The following SLIT3 variants were observed in gnomAD, a reference collection of about 807,000 sequenced individuals.
SLIT3 encodes slit guidance ligand 3, also known as slit homolog 3 protein.
In SLIT3, 68 loss-of-function variants were observed where a neutral mutation model predicts 184.0. The ratio of observed to expected loss-of-function variants is 0.37; its 90% CI spans 0.30 to 0.45. The LOEUF is 0.45. Among genes scored for constraint, SLIT3 ranks in the 20% least tolerant of loss-of-function variants. SLIT3 has a pLI of 1.00. For missense variants in SLIT3, 1,707 were observed against 2,026.0 expected (o/e 0.84, Z 3.02); for synonymous variants, 831 against 828.6 (o/e 1.00, Z -0.05).
chr5:169,258,121 A>G (rs988938218), intron 1 of SLIT3, among the ~76,000 whole-genome samples: 1 of 152,042 alleles, frequency 6.6e-6, no homozygotes, highest in Non-Finnish European at 1.5e-5. Flanking sequence ...GAAGATTTTT[A>G]CCAATAAAGA....
intron 4 of SLIT3, among the ~76,000 whole-genome samples, chr5:168,886,137 C>T (rs1760198963): frequency 6.6e-6 from 1 of 152,208 alleles, no homozygotes; most frequent in African/African-American, 2.4e-5. Context: ...ATCTGATCCC[C>T]ATGACAATCT....
At chr5:168,802,511 C>T (rs1039668433) in intron 9 of SLIT3, among the ~76,000 whole-genome samples, 3 of 152,150 alleles carry the variant, frequency 2.0e-5, no homozygotes, top group African/African-American at 2.4e-5. Context: ...TCTGGTAGAC[C>T]GTGGGTGCCC....
At chr5:168,675,658 G>A (rs902496715) in intron 32 of SLIT3, among the ~76,000 whole-genome samples, 11 of 152,136 alleles carry the variant, frequency 7.2e-5, no homozygotes, top group Admixed American at 7.2e-4. Context: ...CTTGAGCCCA[G>A]GTGTTCAAGT....
intron 32 of SLIT3, among the ~76,000 whole-genome samples, chr5:168,674,650 A>G (rs1167838674): frequency 6.6e-6 from 1 of 151,598 alleles, no homozygotes; most frequent in Non-Finnish European, 1.5e-5. Context: ...TGCCACCACA[A>G]ACAGCTAATT....
At chr5:169,166,925 G>A (rs766664720) in intron 4 of SLIT3, among the ~76,000 whole-genome samples, 2 of 152,156 alleles carry the variant, frequency 1.3e-5, no homozygotes, top group South Asian at 2.1e-4. Flanking sequence ...CACAGTGCTC[G>A]GGGAGGCTGA....
intron 4 of SLIT3, among the ~76,000 whole-genome samples, chr5:169,102,004 C>G (rs1313893829): frequency 6.6e-6 from 1 of 152,172 alleles, no homozygotes; most frequent in African/African-American, 2.4e-5. Flanking sequence ...ACTTATTTGT[C>G]TTTTCCAACA....
rs1359758673 is a variant in SLIT3, at chr5:168,707,706, CACA to C, written c.2844+267_2844+269del. The C allele has an allele frequency of 8.6e-5, 33 of 382,754 alleles. No homozygotes were observed. In the East Asian group the frequency reaches 1.4e-3, roughly 16 times the overall value. 23.7% of individuals were successfully genotyped at this position (382,754 alleles called of 1,614,324 possible). A position where few individuals can be genotyped will look rare whatever the true frequency, so the allele number is the denominator to read the frequency against. On this transcript the variant is annotated intron_variant, in intron 26 of 35. Transcript: ENST00000519560. ...TCTGAGACTTAATTTCTCCATGTTT[CACA>C]AAGAAAATACAAATGTTACATTTCC... is the stretch of plus-strand genomic sequence containing the variant.
intron 20 of SLIT3, among the ~76,000 whole-genome samples, chr5:168,746,741 C>T (rs935602024): frequency 6.3e-4 from 12 of 18,946 alleles, no homozygotes; most frequent in African/African-American, 8.8e-4. Context: ...TGGTGGTGTG[C>T]GGTGGTGTGG....
At chr5:168,994,966 G>A (rs1054847916) in intron 4 of SLIT3, among the ~76,000 whole-genome samples, 1 of 152,044 alleles carries the variant, frequency 6.6e-6, no homozygotes, top group Non-Finnish European at 1.5e-5. Context: ...TGCATGTCTT[G>A]TCTCCTATAA....
intron 4 of SLIT3, among the ~76,000 whole-genome samples, chr5:169,170,262 C>A (rs1374578645): frequency 6.6e-6 from 1 of 152,148 alleles, no homozygotes; most frequent in African/African-American, 2.4e-5. Context: ...GGATGAAGAC[C>A]ATGATGTTGG....
At chr5:168,910,455 C>T (rs1296836932) in intron 4 of SLIT3, among the ~76,000 whole-genome samples, 1 of 152,134 alleles carries the variant, frequency 6.6e-6, no homozygotes. Flanking sequence ...TAAACCATCA[C>T]AATTGCCGCC....
intron 20 of SLIT3, among the ~76,000 whole-genome samples, chr5:168,743,347 G>A (rs1763698611): frequency 6.6e-6 from 1 of 152,172 alleles, no homozygotes; most frequent in East Asian, 1.9e-4. Flanking sequence ...TTACATTTTG[G>A]TAATTCTCAC....
At chr5:169,044,542 T>C (rs1040271085) in intron 4 of SLIT3, among the ~76,000 whole-genome samples, 35 of 124,604 alleles carry the variant, frequency 2.8e-4, no homozygotes, top group Non-Finnish European at 5.0e-4. Context: ...GGCAAATCCA[T>C]AGAGACAAAA....
intron 3 of SLIT3, among the ~76,000 whole-genome samples, chr5:169,195,495 G>A (rs916452227): frequency 6.6e-6 from 1 of 152,176 alleles, no homozygotes; most frequent in Non-Finnish European, 1.5e-5. Flanking sequence ...GATAAGATAA[G>A]CTCTAATTCC....
At chr5:169,104,966 G>A (rs2037590343) in intron 4 of SLIT3, among the ~76,000 whole-genome samples, 1 of 152,158 alleles carries the variant, frequency 6.6e-6, no homozygotes, top group Non-Finnish European at 1.5e-5. Context: ...GTCAAGAAAA[G>A]AATTAGTGTC....
At chr5:168,746,271 GGTGAT>G (rs1271524276) in intron 20 of SLIT3, among the ~76,000 whole-genome samples, 109 of 150,174 alleles carry the variant, frequency 7.3e-4, no homozygotes, top group South Asian at 4.3e-4. Flanking sequence ...GTGTGGGTGT[GGTGAT>G]GTGTGGTGTG....
intron 4 of SLIT3, among the ~76,000 whole-genome samples, chr5:169,098,318 C>A (rs1037435460): frequency 6.6e-6 from 1 of 152,196 alleles, no homozygotes; most frequent in Non-Finnish European, 1.5e-5. Flanking sequence ...TGTGTATACA[C>A]ACAGTATACA....
intron 4 of SLIT3, among the ~76,000 whole-genome samples, chr5:169,114,162 ACC>A (rs1760556561): frequency 6.6e-6 from 1 of 152,172 alleles, no homozygotes; most frequent in Non-Finnish European, 1.5e-5. Flanking sequence ...GTGGAGTGTG[ACC>A]AGAGTAGGAC....
intron 26 of SLIT3, among the ~76,000 whole-genome samples, chr5:168,701,108 G>C (rs1038596846): frequency 1.3e-5 from 2 of 152,210 alleles, no homozygotes; most frequent in Admixed American, 6.5e-5. Flanking sequence ...GTTGCTATGA[G>C]AATTAAACTT....
Sources: gnomAD v4.1 joint callset for allele counts (sites outside exome capture counted in the v4.1 genomes callset) on GRCh38, gnomAD v4.1.1 for gene constraint, MANE v1.5 for transcripts, NCBI Gene and HGNC (gene_info 2026-07-23, HGNC 2026-07-21) for gene names.